RBPMS2: variants seen among roughly 807,000 people sequenced by gnomAD.
RBPMS2 encodes the protein RNA-binding protein with multiple splicing 2.
A neutral mutation model predicts 25.7 loss-of-function variants in RBPMS2; 14 were observed. That is an observed-to-expected ratio of 0.55 (90% confidence interval 0.36 to 0.85). RBPMS2 has a LOEUF of 0.85. RBPMS2 is among the 40% of genes least tolerant of loss of function. The pLI, the probability that RBPMS2 is intolerant of heterozygous loss-of-function variation, is 0.01. For synonymous variants in RBPMS2, 127 were observed against 115.6 expected (o/e 1.10, Z -0.63); for missense variants, 252 against 283.4 (o/e 0.89, Z 0.80).
At chr15:64,753,354 T>A (rs2083700812) in intron 1 of RBPMS2, among the ~76,000 whole-genome samples, 1 of 152,186 alleles carries the variant, frequency 6.6e-6, no homozygotes. Flanking sequence ...TGCTCCGCTC[T>A]CTAGTGATGG....
intron 6 of RBPMS2, among the ~76,000 whole-genome samples, chr15:64,745,285 G>GT (rs1298633164): frequency 1.3e-5 from 2 of 152,078 alleles, no homozygotes; most frequent in Admixed American, 1.3e-4. Flanking sequence ...AAAACTGCCT[G>GT]TTTTTTTCCA....
intron 6 of RBPMS2, 27 bp downstream of exon 6, chr15:64,748,392 C>A: frequency 6.2e-7 from 1 of 1,607,662 alleles, no homozygotes; most frequent in Non-Finnish European, 8.5e-7. Context: ...CCTTGTTCTT[C>A]GCCCTCCCCA....
At chr15:64,768,996 G>C (rs1051049996) in intron 1 of RBPMS2, among the ~76,000 whole-genome samples, 1 of 149,702 alleles carries the variant, frequency 6.7e-6, no homozygotes, top group African/African-American at 2.5e-5. Flanking sequence ...AGCTACTTGG[G>C]AGGCTGAGGC....
At chr15:64,773,586 T>G (rs527836854) in intron 1 of RBPMS2, among the ~76,000 whole-genome samples, 2 of 152,262 alleles carry the variant, frequency 1.3e-5, no homozygotes, top group East Asian at 3.9e-4. Flanking sequence ...TTTCAAGACT[T>G]AGAATGGCCA....
At chr15:64,750,232 C>T (rs1338552476) in intron 3 of RBPMS2, 111 bp downstream of exon 3, 2 of 948,938 alleles carry the variant, frequency 2.1e-6, no homozygotes, top group Non-Finnish European at 3.5e-6. Context: ...ACAGGGAGCG[C>T]AAGTCTGTAC....
chr15:64,743,152 C>T (rs373254671), intron 6 of RBPMS2, among the ~76,000 whole-genome samples: 7 of 152,332 alleles, frequency 4.6e-5, no homozygotes, highest in South Asian at 4.1e-4. Context: ...AAATCCCGGA[C>T]GGGCTGGGTG....
Position 64,770,491 on chromosome 15 carries a change from T to G in RBPMS2, c.87+4742A>C, listed in dbSNP as rs530562229. Among the ~76,000 whole-genome samples, 217 of 152,294 alleles carry G rather than the reference T, an allele frequency of 1.4e-3. 5 individuals carry two copies. The South Asian group carries it at 0.044, about 31-fold the overall frequency. ...AATACAACATACAGGTTCATTATTA[T>G]TAGTACAGCCTCTCCCTTAGATTAC... is the stretch of plus-strand genomic sequence containing the variant. On this transcript the variant is annotated intron_variant, in intron 1 of 7. Transcript: ENST00000300069.
At chr15:64,743,011 AAG>A in intron 6 of RBPMS2, among the ~76,000 whole-genome samples, 1 of 152,204 alleles carries the variant, frequency 6.6e-6, no homozygotes, top group Non-Finnish European at 1.5e-5. Flanking sequence ...CTTATTCCAC[AAG>A]AGAGGGACAC....
At chr15:64,766,530 C>CT (rs553968428) in intron 1 of RBPMS2, among the ~76,000 whole-genome samples, 2,691 of 141,694 alleles carry the variant, frequency 0.019, 90 homozygotes, top group African/African-American at 0.063. Flanking sequence ...TTAATGGTGG[C>CT]TTTTTTTTTT....
At chr15:64,748,686 A>C in intron 5 of RBPMS2, 119 bp from the exon 6 acceptor site, 1 of 1,208,340 alleles carries the variant, frequency 8.3e-7, no homozygotes, top group Non-Finnish European at 1.1e-6. Context: ...ACCACCCCCA[A>C]CCACAGAGGA....
chr15:64,774,815 G>A lies in RBPMS2; in HGVS notation c.87+418C>T, dbSNP rs191975580. Among the ~76,000 whole-genome samples the A allele has an allele frequency of 7.3e-3, 1,105 of 151,582 alleles. 9 individuals are homozygous for A. The highest frequency in any genetic ancestry group is 0.026 in the African/African-American group (1,077 of 41,432). On this transcript the variant is annotated intron_variant, in intron 1 of 7. Transcript: ENST00000300069. ...GGAGTGAGGGTGCCGCCCTCGGGCC[G>A]TGCTAATCCCGCTCCGCTCCGTGCC...
intron 1 of RBPMS2, among the ~76,000 whole-genome samples, chr15:64,774,628 T>C (rs2083914808): frequency 3.0e-5 from 1 of 33,800 alleles, no homozygotes; most frequent in Non-Finnish European, 1.6e-4. Flanking sequence ...TTTAGTCATC[T>C]TCCAAACTAA....
In RBPMS2 at chr15:64,741,194, G is replaced by T. The variant is rs147894930; in HGVS notation, c.616C>A (p.Arg206Ser). The change falls in exon 7 of 8, where the codon CGT becomes AGT. Residue 206 changes from arginine (R) to serine (S), a missense_variant. Physicochemically the swap from Arg to Ser is moderately radical, Grantham distance 110. Transcript: ENST00000300069. ...TTACTGAAAAACTAACAGAACTGAC[G>T]GTACTTCCATCCTTGCTGGGTGGTG... is the stretch of plus-strand genomic sequence containing the variant. ...SDTTQQGWKYRQFC is the reference protein window; with the variant it reads ...SDTTQQGWKYSQFC The T allele has an allele frequency of 7.1e-5, 113 of 1,586,990 alleles. No individual in the cohort carries two copies. Among genetic ancestry groups the T allele is most frequent in the Non-Finnish European group, 9.0e-5 (105 of 1,166,462 alleles).
chr15:64,760,717 G>A (rs1450455310), intron 1 of RBPMS2, among the ~76,000 whole-genome samples: 4 of 151,652 alleles, frequency 2.6e-5, no homozygotes, highest in African/African-American at 7.3e-5. Flanking sequence ...TGGAGAAATC[G>A]CTTGAACCCA....
rs531077990 is a variant in RBPMS2 at position 64,739,987 on chromosome 15, T to C, written c.*1021A>G. ...CAACAGCCGCCTCATCTCCCAAGTC[T>C]GAAATGGCCAGACGGTCACAGCTGC... is the stretch of plus-strand genomic sequence containing the variant. On this transcript the variant is annotated 3_prime_UTR_variant, in exon 8 of 8. Coordinates refer to ENST00000300069, the MANE Select transcript of RBPMS2 (RefSeq NM_194272.3). 4 of 152,774 alleles carry C rather than the reference T, an allele frequency of 2.6e-5. No homozygotes were observed. Among genetic ancestry groups the C allele is most frequent in the African/African-American group, 9.6e-5 (4 of 41,578 alleles). 9.5% of individuals were successfully genotyped at this position (152,774 alleles called of 1,614,324 possible).
chr15:64,774,968 G>A (rs1011613739), intron 1 of RBPMS2, among the ~76,000 whole-genome samples: 1 of 150,832 alleles, frequency 6.6e-6, no homozygotes, highest in Admixed American at 6.6e-5. Context: ...CGCCCACCGC[G>A]GGACGCCCGG....
chr15:64,759,869 C>T (rs1405128344), intron 1 of RBPMS2, among the ~76,000 whole-genome samples: 2 of 152,110 alleles, frequency 1.3e-5, no homozygotes, highest in Middle Eastern at 3.2e-3. Flanking sequence ...GATGGGGTTC[C>T]GCCATGTTGG....
chr15:64,771,050 T>C (rs1477903801), intron 1 of RBPMS2, among the ~76,000 whole-genome samples: 1 of 152,242 alleles, frequency 6.6e-6, no homozygotes, highest in Non-Finnish European at 1.5e-5. Context: ...TGCCTTTCTA[T>C]AGCTTACCAT....
intron 6 of RBPMS2, among the ~76,000 whole-genome samples, chr15:64,741,814 A>G (rs1397598062): frequency 6.6e-6 from 1 of 152,244 alleles, no homozygotes; most frequent in African/African-American, 2.4e-5. Context: ...TGGGAGGATC[A>G]CATGGGCTCA....
Sources: gnomAD v4.1 joint callset for allele counts (sites outside exome capture counted in the v4.1 genomes callset) on GRCh38, gnomAD v4.1.1 for gene constraint, MANE v1.5 for transcripts, NCBI Gene and HGNC (gene_info 2026-07-23, HGNC 2026-07-21) for gene names.